TLK1: variants seen among roughly 807,000 people sequenced by gnomAD.
TLK1 encodes the protein serine/threonine-protein kinase tousled-like 1.
A neutral mutation model predicts 105.3 loss-of-function variants in TLK1; 24 were observed. The observed-to-expected ratio is 0.23, with a 90% CI of 0.17 to 0.32. The LOEUF (loss-of-function observed/expected upper bound fraction) is 0.32, where lower values mean the gene tolerates loss of function less well. Among genes scored for constraint, TLK1 ranks in the 10% least tolerant of loss-of-function variants. TLK1 has a pLI of 1.00. For synonymous variants in TLK1, 321 were observed against 310.4 expected (o/e 1.03, Z -0.36); for missense variants, 558 against 910.5 (o/e 0.61, Z 4.98).
At chr2:171,103,298 T>A (rs867303944) in intron 2 of TLK1, among the ~76,000 whole-genome samples, 1 of 133,668 alleles carries the variant, frequency 7.5e-6, no homozygotes, top group Non-Finnish European at 1.6e-5. Context: ...TTTTGAGACA[T>A]AAGTCACACT....
intron 2 of TLK1, among the ~76,000 whole-genome samples, chr2:171,115,764 T>C (rs1690397461): frequency 6.6e-6 from 1 of 152,156 alleles, no homozygotes; most frequent in African/African-American, 2.4e-5. Context: ...AATCAATGAA[T>C]TGAACAATAT....
chr2:171,136,392 T>C (rs570279159), intron 1 of TLK1, among the ~76,000 whole-genome samples: 4 of 152,272 alleles, frequency 2.6e-5, no homozygotes, highest in African/African-American at 9.6e-5. Context: ...GGAGATTAGC[T>C]GCACAACAAC....
chr2:171,155,563 A>AT (rs202234799), intron 1 of TLK1: 1 of 152,214 alleles, frequency 6.6e-6, no homozygotes, highest in African/African-American at 2.4e-5. Context: ...ATATTTAGGG[A>AT]TTTTTAAAAA....
chr2:171,067,708 A>T (rs1370344785), intron 3 of TLK1, among the ~76,000 whole-genome samples: 1 of 152,074 alleles, frequency 6.6e-6, no homozygotes, highest in Non-Finnish European at 1.5e-5. Context: ...GGTTTGCTAT[A>T]ACCATCAACC....
chr2:171,187,732 C>A (rs1475867923), intron 1 of TLK1, among the ~76,000 whole-genome samples: 1 of 152,156 alleles, frequency 6.6e-6, no homozygotes, highest in East Asian at 1.9e-4. Flanking sequence ...CCTGCGTCTG[C>A]TAGAATGTCA....
chr2:171,175,575 T>G (rs139746184), intron 1 of TLK1, among the ~76,000 whole-genome samples: 1 of 152,364 alleles, frequency 6.6e-6, no homozygotes, highest in African/African-American at 2.4e-5. Context: ...AAGGGACAAC[T>G]GTACATACAC....
At chr2:171,107,390 T>G (rs1369026627) in intron 2 of TLK1, among the ~76,000 whole-genome samples, 1 of 152,334 alleles carries the variant, frequency 6.6e-6, no homozygotes, top group South Asian at 2.1e-4. Context: ...TTTTACTAAA[T>G]GTAAATGTCC....
At chr2:171,081,723 G>A in intron 3 of TLK1, 3 of 1,304,056 alleles carry the variant, frequency 2.3e-6, no homozygotes, top group Non-Finnish European at 3.0e-6. Context: ...GGAAGGGAAA[G>A]CCTGATGAGT....
intron 12 of TLK1, among the ~76,000 whole-genome samples, chr2:171,027,884 C>T (rs892181783): frequency 4.6e-5 from 7 of 152,196 alleles, no homozygotes; most frequent in African/African-American, 7.2e-5. Flanking sequence ...TAATTTTGGC[C>T]GGGTGCGACA....
intron 14 of TLK1, among the ~76,000 whole-genome samples, chr2:171,009,220 T>A (rs1684788594): frequency 6.6e-6 from 1 of 151,564 alleles, no homozygotes. Flanking sequence ...AATCCCATAA[T>A]TTTTCCAAGT....
At chr2:171,117,687 G>A in intron 2 of TLK1, 52 bp downstream of exon 2, 1 of 1,403,696 alleles carries the variant, frequency 7.1e-7, no homozygotes, top group Non-Finnish European at 1.0e-6. Context: ...TACTATTTTA[G>A]ATCATTTAAT....
intron 5 of TLK1, among the ~76,000 whole-genome samples, chr2:171,057,545 C>T (rs905558753): frequency 6.6e-6 from 1 of 152,010 alleles, no homozygotes; most frequent in African/African-American, 2.4e-5. Flanking sequence ...TTAGATTTTA[C>T]GAACCCAAGA....
intron 3 of TLK1, chr2:171,066,737 C>T: frequency 8.4e-7 from 1 of 1,185,344 alleles, no homozygotes; most frequent in Non-Finnish European, 1.2e-6. Context: ...TAGTCTATTT[C>T]CTGGCACTTT....
At chr2:171,096,302 C>G (rs1484965480) in intron 2 of TLK1, among the ~76,000 whole-genome samples, 1 of 151,972 alleles carries the variant, frequency 6.6e-6, no homozygotes, top group Non-Finnish European at 1.5e-5. Flanking sequence ...GAGTTCAAGA[C>G]CAGCCTGATC....
Position 171,117,831 on chromosome 2 carries a change from C to T in TLK1, c.166G>A (p.Asp56Asn), listed in dbSNP as rs773937924. 6.2e-7 allele frequency: 1 copy of T among 1,613,442 alleles called. No homozygotes were observed. The highest frequency in any genetic ancestry group is 1.1e-5 in the South Asian group (1 of 90,986). The change falls in exon 2 of 21, where the codon GAT becomes AAT. Residue 56 changes from aspartate (D) to asparagine (N), a missense_variant. Asp to Asn is a conservative substitution (Grantham distance 23, BLOSUM62 1). Around this residue, in one of 5 missense-constraint regions of TLK1, gnomAD observed 104 missense variants for 116.0 expected, o/e 0.90. Transcript: ENST00000431350. ...TCCAATAACTCTTGCCTTCTTGGAT[C>T]CAGACTATGAAGCTCATCCATTGCA... The part of the protein sequence containing the change: ...EGAMDELHSL[D>N]PRRQELLEAR...
chr2:171,073,350 G>T (rs1031173089), intron 3 of TLK1, among the ~76,000 whole-genome samples: 1 of 152,012 alleles, frequency 6.6e-6, no homozygotes, highest in Non-Finnish European at 1.5e-5. Flanking sequence ...CTTTTTTAAA[G>T]GGTAACATTT....
intron 11 of TLK1, among the ~76,000 whole-genome samples, chr2:171,033,135 G>T (rs1686128010): frequency 6.6e-6 from 1 of 152,142 alleles, no homozygotes; most frequent in South Asian, 2.1e-4. Flanking sequence ...AAACCTGGGA[G>T]GCAGAGGTTG....
In TLK1 at chr2:171,056,543, A is replaced by G. The variant is rs749357252; in HGVS notation, c.477T>C (p.Ser159=). ...YFEYQGGNGS[S]PVRGIPPAIR... ...TTGCAGGAGGTATGCCTCTTACTGGACTTGAGCCATTTCCACCCTGGTACT... is the reference window on the plus strand; with the variant it reads ...TTGCAGGAGGTATGCCTCTTACTGGGCTTGAGCCATTTCCACCCTGGTACT... Residue 159 remains serine, a synonymous_variant, in exon 6 of 21, where the codon AGT becomes AGC. Transcript: ENST00000431350. 5.6e-6 allele frequency: 9 copies of G among 1,612,334 alleles called. No homozygotes were observed. The Admixed American group carries it at 1.0e-4, about 18-fold the overall frequency.
At chr2:171,031,211 T>C (rs1430583379) in intron 11 of TLK1, among the ~76,000 whole-genome samples, 4 of 152,166 alleles carry the variant, frequency 2.6e-5, no homozygotes, top group Non-Finnish European at 5.9e-5. Context: ...CTAGGAAGTA[T>C]TAGGGATTAT....
Sources: allele counts gnomAD v4.1 joint callset (sites outside exome capture counted in the v4.1 genomes callset), GRCh38; gene constraint gnomAD v4.1.1; regional missense constraint gnomAD v4.1.1; transcripts MANE v1.5; gene names NCBI Gene and HGNC (gene_info 2026-07-23, HGNC 2026-07-21).